ZNF777: variants seen among roughly 807,000 people sequenced by gnomAD.
ZNF777 encodes zinc finger protein 777.
A neutral mutation model predicts 72.1 loss-of-function variants in ZNF777; 7 were observed. The observed-to-expected ratio is 0.10, with a 90% confidence interval of 0.06 to 0.18. The LOEUF (loss-of-function observed/expected upper bound fraction) is 0.18. Among genes scored for constraint, ZNF777 ranks in the 10% least tolerant of loss-of-function variants. ZNF777 has a pLI of 1.00. For synonymous variants in ZNF777, 545 were observed against 483.5 expected, an observed-to-expected ratio of 1.13 and a Z score of -1.67; for missense variants, 828 against 1,128.6, an observed-to-expected ratio of 0.73 and a Z score of 3.82.
chr7:149,451,160 T>C, intron 3 of ZNF777, 48 bp from the exon 4 acceptor site: 1 of 1,528,496 alleles, frequency 6.5e-7, no homozygotes, highest in East Asian at 2.3e-5. Flanking sequence ...GAGGTTGCAC[T>C]GGATGTTGTT....
chr7:149,431,369 T>A lies in ZNF777; in HGVS notation c.*407A>T, dbSNP rs1048423730. The A allele has an allele frequency of 5.4e-6, 2 of 367,402 alleles. No individual in the cohort carries two copies. The highest frequency in any genetic ancestry group is 1.0e-5 in the Non-Finnish European group (2 of 192,538). The allele number at this position is 367,402 out of a possible 1,614,324, so 22.8% of individuals were successfully genotyped here. ...CGGCAAACAGGAAACGCTCTTCTTT[T>A]AAAAATTACTCTATTATTATCAAAT... is the stretch of plus-strand genomic sequence containing the variant. On this transcript the variant is annotated 3_prime_UTR_variant, in exon 6 of 6. Transcript: ENST00000247930.
Position 149,436,475 on chromosome 7 carries a change from C to T in ZNF777, c.1339+100G>A. On this transcript the variant is annotated intron_variant, in intron 5 of 5. Transcript: ENST00000247930. The surrounding 1 kb of genome is among the most constrained non-coding windows in gnomAD (Gnocchi z 5.0). Reference sequence around the variant, plus strand: ...TCCCACCTGTTGCCCCATCAGTGTCCAGCTACCTCTCTGAAGGAACCACAG... The same window carrying T: ...TCCCACCTGTTGCCCCATCAGTGTCTAGCTACCTCTCTGAAGGAACCACAG... The T allele has an allele frequency of 7.1e-7, 1 of 1,400,552 alleles. No homozygotes were observed. The highest frequency in any genetic ancestry group is 9.6e-7 in the Non-Finnish European group (1 of 1,041,364). The allele number at this position is 1,400,552 out of a possible 1,614,324, so 86.8% of individuals were successfully genotyped here. A position where few individuals can be genotyped will look rare whatever the true frequency, so the allele number is the denominator to read the frequency against.
At chr7:149,451,840 T>C (rs79436286) in intron 3 of ZNF777, among the ~76,000 whole-genome samples, 4,264 of 152,320 alleles carry the variant, frequency 0.028, 205 homozygotes, top group African/African-American at 0.097. Flanking sequence ...TACATATATA[T>C]ACATGTTTGA....
At chr7:149,447,627 G>A (rs943066571) in intron 4 of ZNF777, among the ~76,000 whole-genome samples, 2 of 152,106 alleles carry the variant, frequency 1.3e-5, no homozygotes, top group African/African-American at 4.8e-5. Context: ...TTCCTACCTG[G>A]AAGACGGAAA....
intron 3 of ZNF777, among the ~76,000 whole-genome samples, chr7:149,452,222 G>A (rs527432256): frequency 5.9e-4 from 89 of 151,502 alleles, no homozygotes; most frequent in Non-Finnish European, 9.7e-4. Flanking sequence ...CCGAGATCGC[G>A]CCACTGCACT....
intron 4 of ZNF777, among the ~76,000 whole-genome samples, chr7:149,448,593 A>AC (rs1554494036): frequency 9.5e-6 from 1 of 104,808 alleles, no homozygotes; most frequent in Non-Finnish European, 1.9e-5. Flanking sequence ...ATATATATAT[A>AC]TATATATATA....
At chr7:149,454,716 C>T (rs1335632499) in intron 2 of ZNF777, among the ~76,000 whole-genome samples, 1 of 152,260 alleles carries the variant, frequency 6.6e-6, no homozygotes, top group Non-Finnish European at 1.5e-5. Flanking sequence ...AACCTAACTT[C>T]TCTAGCTTTT....
intron 4 of ZNF777, among the ~76,000 whole-genome samples, chr7:149,446,164 G>T (rs1799599175): frequency 6.6e-6 from 1 of 152,146 alleles, no homozygotes; most frequent in African/African-American, 2.4e-5. Flanking sequence ...GATTACCTGA[G>T]GTTGGGAGTT....
At chr7:149,459,994 C>T in intron 1 of ZNF777, 5 of 955,710 alleles carry the variant, frequency 5.2e-6, no homozygotes, top group South Asian at 4.8e-5. Context: ...GCGCCCCCAC[C>T]CCCCGCGCCA....
intron 4 of ZNF777, among the ~76,000 whole-genome samples, chr7:149,438,860 T>C (rs372916078): frequency 1.3e-5 from 2 of 152,106 alleles, no homozygotes; most frequent in African/African-American, 2.4e-5. Context: ...CCAACTCAAC[T>C]GGTTTGGAAG....
Position 149,436,767 on chromosome 7 carries a change from A to C in ZNF777, c.1147T>G (p.Leu383Val). Residue 383 changes from leucine (L) to valine (V), a missense_variant, in exon 5 of 6, where the codon TTG becomes GTG. Physicochemically the swap from Leu to Val is conservative, Grantham distance 32 (BLOSUM62 1). Around this residue, in one of 12 missense-constraint regions of ZNF777, gnomAD observed 219 missense variants for 223.0 expected, o/e 0.98. Transcript: ENST00000247930. This position sits in a 1 kb window ranked among gnomAD's most constrained non-coding sequence, Gnocchi z 5.0. ...CCCATCAGGGGCTCAGGTGTCTCCA[A>C]ACTTTCTGAGCCCTCGTCGTTGGTC... Reference protein sequence around the residue: ...VQTNDEGSESLETPEPLMGQV... With the variant: ...VQTNDEGSESVETPEPLMGQV... 1 of 1,613,958 alleles carries C rather than the reference A, an allele frequency of 6.2e-7. No individual in the cohort carries two copies. The highest frequency in any genetic ancestry group is 2.2e-5 in the East Asian group (1 of 44,858).
At chr7:149,451,246 C>T (rs1585700632) in intron 3 of ZNF777, 134 bp from the exon 4 acceptor site, 1 of 735,804 alleles carries the variant, frequency 1.4e-6, no homozygotes, top group East Asian at 2.7e-5. Flanking sequence ...CGCCAAGTCT[C>T]CCCTTCTTTT....
intron 3 of ZNF777, among the ~76,000 whole-genome samples, chr7:149,453,508 C>T (rs1016352104): frequency 6.6e-6 from 1 of 152,090 alleles, no homozygotes; most frequent in Non-Finnish European, 1.5e-5. Flanking sequence ...AGGTTTTCAT[C>T]GTTAAATATT....
At position 149,432,726 on chromosome 7, in the gene ZNF777, G is replaced by C. The variant is rs753071600; in HGVS notation, c.1546C>G (p.Leu516Val). The C allele has an allele frequency of 6.2e-7, 1 of 1,612,390 alleles. No individual in the cohort carries two copies. Among genetic ancestry groups the C allele is most frequent in the East Asian group, 2.2e-5 (1 of 44,804 alleles). The part of the protein sequence containing the change: ...LQLGNPAVKR[L>V]APSVHGERHL... Reference sequence around the variant, plus strand: ...CGCTCACCGTGCACGGAGGGCGCCAGCCTTTTCACTGCGGGGTTTCCTAGC... The same window carrying C: ...CGCTCACCGTGCACGGAGGGCGCCACCCTTTTCACTGCGGGGTTTCCTAGC... Residue 516 changes from leucine (L) to valine (V), a missense_variant, in exon 6 of 6, where the codon CTG becomes GTG. Leu to Val is a conservative substitution (Grantham distance 32, BLOSUM62 1). Transcript: ENST00000247930.
chr7:149,459,535 G>A (rs1799903141), intron 1 of ZNF777: 5 of 695,128 alleles, frequency 7.2e-6, no homozygotes, highest in Non-Finnish European at 8.9e-6. Flanking sequence ...CGCGTCCGCT[G>A]CCAGGGCGGC....
At chr7:149,442,819 AAC>A (rs1387838076) in intron 4 of ZNF777, among the ~76,000 whole-genome samples, 1 of 152,256 alleles carries the variant, frequency 6.6e-6, no homozygotes, top group Non-Finnish European at 1.5e-5. Context: ...AAATATGCTC[AAC>A]ATCACCCTTA....
intron 4 of ZNF777, among the ~76,000 whole-genome samples, chr7:149,449,235 C>A (rs1180351670): frequency 6.6e-6 from 1 of 152,336 alleles, no homozygotes; most frequent in East Asian, 1.9e-4. Context: ...CCTCCCACTG[C>A]AGACTCCCAG....
intron 4 of ZNF777, among the ~76,000 whole-genome samples, chr7:149,446,784 C>T (rs1318455556): frequency 6.6e-6 from 1 of 152,140 alleles, no homozygotes; most frequent in Admixed American, 6.5e-5. Context: ...GCCATCTCTA[C>T]TTCCTCGCCT....
In ZNF777 at chr7:149,432,765, G is replaced by A. The variant is rs1799342000; in HGVS notation, c.1507C>T (p.Pro503Ser). Residue 503 changes from proline (P) to serine (S), a missense_variant, in exon 6 of 6, where the codon CCC becomes TCC. By Grantham distance (74) the Pro-to-Ser change is moderately conservative. Coordinates refer to ENST00000247930, the MANE Select transcript of ZNF777 (RefSeq NM_015694.3). ...GEMSPEGEES[P>S]PPLQLGNPAV... ...GGGTTTCCTAGCTGCAGGGGCGGGG[G>A]GCTCTCCTCGCCCTCGGGGGACATC... 4 of 1,610,372 alleles carry A rather than the reference G, an allele frequency of 2.5e-6. No homozygotes were observed. The highest frequency in any genetic ancestry group is 3.4e-6 in the Non-Finnish European group (4 of 1,177,438).
Sources: allele counts gnomAD v4.1 joint callset (sites outside exome capture counted in the v4.1 genomes callset), GRCh38; gene constraint gnomAD v4.1.1; regional missense constraint gnomAD v4.1.1; non-coding constraint Gnocchi (gnomAD v3.1); transcripts MANE v1.5; gene names NCBI Gene and HGNC (gene_info 2026-07-23, HGNC 2026-07-21).